The following TCEA3 variants were observed in gnomAD, a reference collection of about 807,000 sequenced individuals.
TCEA3 encodes transcription elongation factor A3, also known as transcription elongation factor A protein 3.
In TCEA3, 36 loss-of-function variants were observed where a neutral mutation model predicts 44.0. The observed-to-expected ratio is 0.82, with a 90% confidence interval of 0.63 to 1.08. TCEA3 has a LOEUF of 1.08. TCEA3 is among the 50% of genes least tolerant of loss of function. TCEA3 has a pLI of 0.00. For synonymous variants in TCEA3, 162 were observed against 159.7 expected, an observed-to-expected ratio of 1.01 and a Z score of -0.11; for missense variants, 392 against 441.2, an observed-to-expected ratio of 0.89 and a Z score of 1.00.
intron 4 of TCEA3, among the ~76,000 whole-genome samples, chr1:23,411,303 C>A (rs1056176800): frequency 6.6e-6 from 1 of 152,084 alleles, no homozygotes; most frequent in Admixed American, 6.5e-5. Flanking sequence ...ATTACAGGCA[C>A]GCGCCACCAT....
rs1640168725 is a variant in TCEA3 at position 23,424,670 on chromosome 1, G to C, written c.-37C>G. On this transcript the variant is annotated 5_prime_UTR_variant, in exon 1 of 11. Transcript: ENST00000450454. ...ACGCCCGGCGGGGCGAGGGGCACAGGGGCAGCAGTAGGGCCTCGGGGGCAG... is the reference window on the plus strand; with the variant it reads ...ACGCCCGGCGGGGCGAGGGGCACAGCGGCAGCAGTAGGGCCTCGGGGGCAG... The C allele has an allele frequency of 6.4e-7, 1 of 1,568,370 alleles. No homozygotes were observed. Among genetic ancestry groups the C allele is most frequent in the Non-Finnish European group, 8.7e-7 (1 of 1,151,208 alleles).
At chr1:23,382,869 C>G (rs1638703908) in intron 10 of TCEA3, among the ~76,000 whole-genome samples, 2 of 152,098 alleles carry the variant, frequency 1.3e-5, no homozygotes, top group Admixed American at 1.3e-4. Context: ...CTGGCCCCAT[C>G]CCTAAGTGCT....
chr1:23,397,000 C>T (rs1054813660), intron 7 of TCEA3, among the ~76,000 whole-genome samples: 2 of 130,996 alleles, frequency 1.5e-5, no homozygotes, highest in East Asian at 4.5e-4. Context: ...AGTGAAACTC[C>T]GTCTCAAAAA....
chr1:23,381,293 G>A lies in TCEA3; in HGVS notation c.*173C>T, dbSNP rs1184686999. Reference sequence around the variant, plus strand: ...AATTAGGCTCCCCCATTAACCAATTGTTTCTAATGACCGATTATTAATTTG... The same window carrying A: ...AATTAGGCTCCCCCATTAACCAATTATTTCTAATGACCGATTATTAATTTG... On this transcript the variant is annotated 3_prime_UTR_variant, in exon 11 of 11. Transcript: ENST00000450454. 1.1e-5 allele frequency: 7 copies of A among 628,262 alleles called. No homozygotes were observed. The highest frequency in any genetic ancestry group is 1.7e-5 in the Non-Finnish European group (6 of 345,294). 38.9% of individuals were successfully genotyped at this position (628,262 alleles called of 1,614,324 possible).
chr1:23,384,500 C>T, intron 9 of TCEA3, 83 bp from the exon 10 acceptor site: 1 of 1,443,414 alleles, frequency 6.9e-7, no homozygotes, highest in Non-Finnish European at 9.5e-7. Flanking sequence ...GGAGTAGGTC[C>T]AAATCCCAGA....
Position 23,424,421 on chromosome 1 carries a change from C to A in TCEA3, c.69+144G>T, listed in dbSNP as rs1640157753. ...GCAAGGGTCCCCAAGGGGCCTTGGGCCCTGCACCAGCCGCTCCTCCCTCGG... is the reference window on the plus strand; with the variant it reads ...GCAAGGGTCCCCAAGGGGCCTTGGGACCTGCACCAGCCGCTCCTCCCTCGG... On this transcript the variant is annotated intron_variant, in intron 1 of 10. Coordinates refer to ENST00000450454, the MANE Select transcript of TCEA3 (RefSeq NM_003196.3). The A allele has an allele frequency of 7.3e-6, 5 of 687,484 alleles. No individual in the cohort carries two copies. The South Asian group carries it at 8.9e-5, about 12-fold the overall frequency. The allele number at this position is 687,484 out of a possible 1,614,324, so 42.6% of individuals were successfully genotyped here.
intron 10 of TCEA3, chr1:23,383,799 G>A (rs1024969743): frequency 2.1e-5 from 21 of 985,902 alleles, no homozygotes; most frequent in African/African-American, 1.9e-4. Context: ...GCTCCCATGC[G>A]TGAAAACAAA....
At chr1:23,416,821 T>G (rs1350463890) in intron 4 of TCEA3, among the ~76,000 whole-genome samples, 1 of 152,222 alleles carries the variant, frequency 6.6e-6, no homozygotes, top group African/African-American at 2.4e-5. Flanking sequence ...CTATTGCCTT[T>G]GCTAGCATCT....
chr1:23,417,294 G>C lies in TCEA3; in HGVS notation c.335C>G (p.Ala112Gly). 1.9e-6 allele frequency: 3 copies of C among 1,614,050 alleles called. No individual in the cohort carries two copies. The South Asian group carries it at 3.3e-5, about 18-fold the overall frequency. Residue 112 changes from alanine to glycine, a missense_variant, in exon 4 of 11, where the codon GCA (alanine) becomes GGA (glycine). Ala to Gly is a moderately conservative substitution (Grantham distance 60). Transcript: ENST00000450454. ...TTTTTTCCTTGGTGGAGAAAGGCCT[G>C]CTTCTGGCTTCCAGTCTGAACACTC... ...GLECSDWKPE[A>G]GLSPPRKKRE...
chr1:23,418,065 C>T, intron 2 of TCEA3, 56 bp from the exon 3 acceptor site: 3 of 1,550,574 alleles, frequency 1.9e-6, no homozygotes, highest in Non-Finnish European at 2.7e-6. Context: ...GGAATGGCTG[C>T]CATCATTGGC....
chr1:23,384,547 T>G (rs1638767358), intron 9 of TCEA3, 130 bp from the exon 10 acceptor site: 15 of 869,504 alleles, frequency 1.7e-5, no homozygotes, highest in Non-Finnish European at 2.7e-5. Context: ...GCTGGCAATT[T>G]CCTTATCACT....
Position 23,387,423 on chromosome 1 carries a change from G to C in TCEA3, c.820-4C>G, listed in dbSNP as rs780927138. 1.9e-6 allele frequency: 3 copies of C among 1,590,348 alleles called. No individual in the cohort carries two copies. The highest frequency in any genetic ancestry group is 2.6e-6 in the Non-Finnish European group (3 of 1,168,550). On this transcript the variant is annotated splice_polypyrimidine_tract_variant and splice_region_variant and intron_variant, in intron 8 of 10. Coordinates refer to ENST00000450454, the MANE Select transcript of TCEA3 (RefSeq NM_003196.3). ...TCAGTTCATCACTGGCCATTTCCTG[G>C]AGAAAAAAGAGTCTACCCTTCAGGG...
chr1:23,424,041 G>GTCGCAGGA (rs1440783666), intron 1 of TCEA3, among the ~76,000 whole-genome samples: 2 of 152,110 alleles, frequency 1.3e-5, no homozygotes, highest in Non-Finnish European at 1.5e-5. Context: ...AAGCGGTGGG[G>GTCGCAGGA]TCGCAGGATC....
rs376631553 is a variant in TCEA3, at chr1:23,424,501, G to A, written c.69+64C>T. 9 of 1,487,240 alleles carry A rather than the reference G, an allele frequency of 6.1e-6. No individual in the cohort carries two copies. In the East Asian group the frequency reaches 1.2e-4, roughly 19 times the overall value. 92.1% of individuals were successfully genotyped at this position (1,487,240 alleles called of 1,614,324 possible). On this transcript the variant is annotated intron_variant, in intron 1 of 10. Coordinates refer to ENST00000450454, the MANE Select transcript of TCEA3 (RefSeq NM_003196.3). ...CGCCCCGCCAGTACGTCCCCACCCC[G>A]GAATCCGGGGCTTGCCCGCGCCTCC... is the stretch of plus-strand genomic sequence containing the variant.
chr1:23,397,675 T>C, intron 6 of TCEA3, 74 bp from the exon 7 acceptor site: 3 of 1,604,414 alleles, frequency 1.9e-6, no homozygotes, highest in Non-Finnish European at 2.6e-6. Flanking sequence ...TACCTGGGAC[T>C]AGAGTGTTCC....
At chr1:23,419,173 G>A in intron 1 of TCEA3, 34 bp from the exon 2 acceptor site, 3 of 1,539,826 alleles carry the variant, frequency 1.9e-6, no homozygotes, top group African/African-American at 1.4e-5. Context: ...ACTGGGGCCT[G>A]GGTCCTGACC....
chr1:23,410,406 T>TA (rs981734258), intron 4 of TCEA3, among the ~76,000 whole-genome samples: 2 of 151,908 alleles, frequency 1.3e-5, no homozygotes, highest in South Asian at 2.1e-4. Context: ...TTCAGGAACA[T>TA]AAAAAAATGC....
intron 5 of TCEA3, chr1:23,404,254 C>CT: frequency 1.7e-5 from 12 of 691,036 alleles, no homozygotes; most frequent in South Asian, 1.6e-4. Flanking sequence ...CCGTGGTCTG[C>CT]TTCCTGGTAC....
At chr1:23,402,920 C>T (rs1172574390) in intron 5 of TCEA3, among the ~76,000 whole-genome samples, 1 of 152,036 alleles carries the variant, frequency 6.6e-6, no homozygotes, top group African/African-American at 2.4e-5. Context: ...CCCAGAGGGT[C>T]CCCCAGGGCT....
Sources: allele counts gnomAD v4.1 joint callset (sites outside exome capture counted in the v4.1 genomes callset), GRCh38; gene constraint gnomAD v4.1.1; transcripts MANE v1.5; gene names NCBI Gene and HGNC (gene_info 2026-07-23, HGNC 2026-07-21).